Variants in MORN1 observed in about 807,000 individuals in gnomAD.
MORN1 encodes the protein MORN repeat containing 1.
Under a neutral mutation model 61.9 loss-of-function variants are expected in MORN1, and 67 were observed. The ratio of observed to expected loss-of-function variants is 1.08; its 90% confidence interval spans 0.89 to 1.33. The LOEUF is 1.33. Ranked by LOEUF, MORN1 falls within the 40% of genes most tolerant of loss-of-function variation. MORN1 has a pLI of 0.00. For missense variants in MORN1, 752 were observed against 691.2 expected (o/e 1.09, Z -0.99); for synonymous variants, 301 against 292.0 (o/e 1.03, Z -0.31).
chr1:2,331,564 G>C (rs1376981159), intron 12 of MORN1, among the ~76,000 whole-genome samples: 4 of 152,168 alleles, frequency 2.6e-5, no homozygotes, highest in Non-Finnish European at 5.9e-5. Flanking sequence ...GAGCGTGCCT[G>C]AGGGGGACCT....
chr1:2,375,644 C>T (rs115738499), intron 6 of MORN1: 5,058 of 152,354 alleles, frequency 0.033, 130 homozygotes, highest in African/African-American at 0.079. Flanking sequence ...CAGGGGGCTC[C>T]GATCCGAGAC....
intron 8 of MORN1, among the ~76,000 whole-genome samples, chr1:2,359,930 C>T (rs557492449): frequency 1.3e-5 from 2 of 152,092 alleles, no homozygotes; most frequent in South Asian, 2.1e-4. Flanking sequence ...GAGACCAGTC[C>T]GGTGCCCCAG....
chr1:2,348,725 G>GCGCA (rs1641577199), intron 10 of MORN1, among the ~76,000 whole-genome samples: 5 of 133,470 alleles, frequency 3.7e-5, no homozygotes, highest in African/African-American at 1.4e-4. Context: ...GCGCGGGCAC[G>GCGCA]CACACGCACA....
At chr1:2,382,809 C>A (rs1642402832) in intron 6 of MORN1, among the ~76,000 whole-genome samples, 1 of 152,210 alleles carries the variant, frequency 6.6e-6, no homozygotes, top group Non-Finnish European at 1.5e-5. Context: ...CTGACATGGG[C>A]TCCCGTGGTC....
rs560412007 is a variant in MORN1 at position 2,369,990 on chromosome 1, A to T, written c.745+2491T>A. Among the ~76,000 whole-genome samples the T allele has an allele frequency of 3.3e-5, 5 of 152,338 alleles. No individual in the cohort carries two copies. The East Asian group carries it at 9.6e-4, about 29-fold the overall frequency. ...TGTTGTTGCAGAAGTTGGCAAACTGATCTTAAAATTTTATACAGAAATGTA... is the reference window on the plus strand; with the variant it reads ...TGTTGTTGCAGAAGTTGGCAAACTGTTCTTAAAATTTTATACAGAAATGTA... On this transcript the variant is annotated intron_variant, in intron 8 of 13. Coordinates refer to ENST00000378531, the MANE Select transcript of MORN1 (RefSeq NM_024848.3).
chr1:2,321,316 A>C lies in MORN1; in HGVS notation c.*67T>G. 1 of 1,168,652 alleles carries C rather than the reference A, an allele frequency of 8.6e-7. No homozygotes were observed. 72.4% of individuals were successfully genotyped at this position (1,168,652 alleles called of 1,614,324 possible). A position where few individuals can be genotyped will look rare whatever the true frequency, so the allele number is the denominator to read the frequency against. On this transcript the variant is annotated 3_prime_UTR_variant, in exon 14 of 14. Transcript: ENST00000378531. ...GGGGCTCTGGAGAATCGGGGAGCAG[A>C]GTCACGCAAGCAGAGGCAGCGTTTC...
rs143861991 is a variant in MORN1, at chr1:2,388,272, T to C, written c.214A>G (p.Thr72Ala). 7.7e-5 allele frequency: 125 copies of C among 1,613,850 alleles called. No homozygotes were observed. Among genetic ancestry groups the C allele is most frequent in the Non-Finnish European group, 1.0e-4 (122 of 1,180,012 alleles). ...YEGAFVDGEI[T>A]GEGRRHWAWS... ...GCCCAGTGCCGGCGGCCTTCTCCCG[T>C]GATCTCTCCGTCCACAAACGCCCCT... Residue 72 changes from threonine to alanine, a missense_variant, in exon 3 of 14, where the codon ACG (threonine) becomes GCG (alanine). Thr to Ala is a moderately conservative substitution (Grantham distance 58). Coordinates refer to ENST00000378531, the MANE Select transcript of MORN1 (RefSeq NM_024848.3).
In MORN1 at chr1:2,388,570, G is replaced by C. The variant is rs947053911; in HGVS notation, c.149-233C>G. 8.0e-5 allele frequency: 39 copies of C among 485,256 alleles called. No homozygotes were observed. The Middle Eastern group carries it at 2.2e-3, about 28-fold the overall frequency. The allele number at this position is 485,256 out of a possible 1,614,324, so 30.1% of individuals were successfully genotyped here. A position where few individuals can be genotyped will look rare whatever the true frequency, so the allele number is the denominator to read the frequency against. On this transcript the variant is annotated intron_variant, in intron 2 of 13. Coordinates refer to ENST00000378531, the MANE Select transcript of MORN1 (RefSeq NM_024848.3). Reference sequence around the variant, plus strand: ...AGCCAGAACAAGCACAGGAATCGAAGTGCAGGCAGCCAGCCTGAGCAACAC... The same window carrying C: ...AGCCAGAACAAGCACAGGAATCGAACTGCAGGCAGCCAGCCTGAGCAACAC...
At chr1:2,342,095 G>A (rs1269913366) in intron 10 of MORN1, among the ~76,000 whole-genome samples, 1 of 152,272 alleles carries the variant, frequency 6.6e-6, no homozygotes, top group African/African-American at 2.4e-5. Flanking sequence ...AATGACATCA[G>A]TTACAGCTTT....
Position 2,379,143 on chromosome 1 carries a change from G to A in MORN1, c.538-4586C>T, listed in dbSNP as rs181179792. On this transcript the variant is annotated intron_variant, in intron 6 of 13. Transcript: ENST00000378531. ...AGAGGGAGAACAGGTCTCCCGGAGGGGCCTCACCAACCCTGAGCTCATGGT... is the reference window on the plus strand; with the variant it reads ...AGAGGGAGAACAGGTCTCCCGGAGGAGCCTCACCAACCCTGAGCTCATGGT... The A allele has an allele frequency of 1.7e-3, 788 of 471,156 alleles. 4 individuals are homozygous for A. The highest frequency in any genetic ancestry group is 0.014 in the African/African-American group (725 of 50,184). 29.2% of individuals were successfully genotyped at this position (471,156 alleles called of 1,614,324 possible). A position where few individuals can be genotyped will look rare whatever the true frequency, so the allele number is the denominator to read the frequency against.
chr1:2,386,391 A>C (rs912393898), intron 4 of MORN1: 9 of 156,924 alleles, frequency 5.7e-5, no homozygotes, highest in African/African-American at 2.2e-4. Context: ...TGGACAACTC[A>C]GAAATTTGAG....
At position 2,385,893 on chromosome 1, in the gene MORN1, G is replaced by C; in HGVS notation, c.363C>G (p.His121Gln). 1 of 1,613,868 alleles carries C rather than the reference G, an allele frequency of 6.2e-7. No individual in the cohort carries two copies. ...GEVSHGMREG[H>Q]GFLVDRDGQV... The stretch of plus-strand genomic sequence containing the variant: ...GTCCATCCCGGTCCACCAGAAACCC[G>C]TGTCCTGGAGAAGGGACCGAGAGAC... The change falls in exon 5 of 14, where the codon CAC becomes CAG. Residue 121 changes from histidine to glutamine, a missense_variant. Transcript: ENST00000378531.
intron 8 of MORN1, among the ~76,000 whole-genome samples, chr1:2,369,461 G>T (rs1471369410): frequency 1.3e-5 from 2 of 151,834 alleles, no homozygotes; most frequent in East Asian, 1.9e-4. Context: ...AAACCTTGCA[G>T]CTTTTCATGT....
At chr1:2,347,801 G>A (rs1219579599) in intron 10 of MORN1, among the ~76,000 whole-genome samples, 8 of 152,214 alleles carry the variant, frequency 5.3e-5, no homozygotes, top group African/African-American at 1.7e-4. Context: ...CTGCGTGCCG[G>A]GTGCACAGGT....
At chr1:2,368,394 T>TC (rs1360965912) in intron 8 of MORN1, among the ~76,000 whole-genome samples, 1 of 152,238 alleles carries the variant, frequency 6.6e-6, no homozygotes, top group Non-Finnish European at 1.5e-5. Context: ...TGCGTGCAGA[T>TC]CAAGGGGTGG....
intron 10 of MORN1, among the ~76,000 whole-genome samples, chr1:2,354,990 G>C (rs764255793): frequency 6.6e-6 from 1 of 152,214 alleles, no homozygotes; most frequent in Admixed American, 6.5e-5. Context: ...TCACATCATC[G>C]TCAAGCCAGA....
intron 12 of MORN1, among the ~76,000 whole-genome samples, chr1:2,325,089 T>A (rs1200328047): frequency 7.0e-6 from 1 of 143,874 alleles, no homozygotes; most frequent in Non-Finnish European, 1.5e-5. Flanking sequence ...CATCTTACTT[T>A]CTTCTTTCTC....
intron 8 of MORN1, among the ~76,000 whole-genome samples, chr1:2,360,970 T>C (rs2645090): frequency 0.52 from 78,997 of 152,020 alleles, 22,113 homozygotes; most frequent in African/African-American, 0.74. Flanking sequence ...AGGATTAAAC[T>C]GTCTCCAAGT....
rs141591341 is a variant in MORN1 at position 2,340,796 on chromosome 1, C to T, written c.1037-3946G>A. On this transcript the variant is annotated intron_variant, in intron 10 of 13. Coordinates refer to ENST00000378531, the MANE Select transcript of MORN1 (RefSeq NM_024848.3). ...GCCACACAGGCCACCACGCAGGGCACGATGAGGGCCGCCATACAGGCTGCC... is the reference window on the plus strand; with the variant it reads ...GCCACACAGGCCACCACGCAGGGCATGATGAGGGCCGCCATACAGGCTGCC... 2.0e-3 allele frequency among the ~76,000 whole-genome samples: 297 copies of T among 152,226 alleles called. 1 individual carries two copies. Among genetic ancestry groups the T allele is most frequent in the African/African-American group, 6.4e-3 (265 of 41,536 alleles).
Sources: gnomAD v4.1 joint callset for allele counts (sites outside exome capture counted in the v4.1 genomes callset) on GRCh38, gnomAD v4.1.1 for gene constraint, MANE v1.5 for transcripts, NCBI Gene and HGNC (gene_info 2026-07-23, HGNC 2026-07-21) for gene names.